Variants in ACCSL observed in about 807,000 individuals in gnomAD.
ACCSL encodes the protein 1-aminocyclopropane-1-carboxylate synthase homolog (inactive) like.
In ACCSL, 55 loss-of-function variants were observed where a neutral mutation model predicts 61.7. The observed-to-expected ratio is 0.89, with a 90% CI of 0.72 to 1.12. The LOEUF (loss-of-function observed/expected upper bound fraction) is 1.12. Among genes scored for constraint, ACCSL ranks in the 50% most tolerant of loss-of-function variants. The probability of loss-of-function intolerance (pLI) is 0.00; values close to 1 mark genes in which losing one functional copy is unlikely to be tolerated. For synonymous variants in ACCSL, 258 were observed against 264.3 expected (o/e 0.98, Z 0.23); for missense variants, 632 against 698.0 (o/e 0.91, Z 1.07).
chr11:44,048,143 T>C lies in ACCSL; in HGVS notation c.107T>C (p.Leu36Ser). 2 of 1,614,156 alleles carry C rather than the reference T, an allele frequency of 1.2e-6. No individual in the cohort carries two copies. Among genetic ancestry groups the C allele is most frequent in the Non-Finnish European group, 1.7e-6 (2 of 1,180,022 alleles). ...YTQLLEITLH[L>S]QQAMTEHFVQ... ...CAGCTGTTGGAGATAACGCTGCACT[T>C]GCAGCAGGCCATGACGGAGCACTTC... The change falls in exon 1 of 14, where the codon TTG becomes TCG. Residue 36 changes from leucine to serine, a missense_variant. Leu to Ser is a moderately radical substitution (Grantham distance 145). Transcript: ENST00000378832.
At chr11:43,982,938 G>C in the ACCSL span, among the ~76,000 whole-genome samples, 1 of 152,210 alleles carries the variant, frequency 6.6e-6, no homozygotes, top group Non-Finnish European at 1.5e-5. Flanking sequence ...CTGAGGCTGG[G>C]GTGGCCTCGA....
At chr11:43,958,516 T>G in the ACCSL span, among the ~76,000 whole-genome samples, 1 of 152,208 alleles carries the variant, frequency 6.6e-6, no homozygotes, top group South Asian at 2.1e-4. Context: ...AAAACTCTGG[T>G]CTCCTGCACA....
the ACCSL span, among the ~76,000 whole-genome samples, chr11:44,034,230 T>C: frequency 7.2e-5 from 11 of 152,318 alleles, no homozygotes; most frequent in East Asian, 2.1e-3. Flanking sequence ...TCATGAGCAG[T>C]GTGTAGCCCA....
the ACCSL span, among the ~76,000 whole-genome samples, chr11:44,006,919 C>A: frequency 2.9e-4 from 44 of 152,264 alleles, no homozygotes; most frequent in Admixed American, 3.3e-4. Flanking sequence ...TTCTCCTCCC[C>A]GCGGTTGGAC....
the ACCSL span, among the ~76,000 whole-genome samples, chr11:44,032,635 G>A: frequency 1.3e-5 from 2 of 152,210 alleles, no homozygotes; most frequent in African/African-American, 4.8e-5. Flanking sequence ...ACATAGCAGA[G>A]TGGACTGGAG....
At chr11:44,026,789 G>T in the ACCSL span, among the ~76,000 whole-genome samples, 12 of 152,154 alleles carry the variant, frequency 7.9e-5, no homozygotes, top group Admixed American at 7.9e-4. Flanking sequence ...GAGTGCAATG[G>T]TATGATCTCA....
chr11:43,952,022 CATTGTAGATTGTACATATTTATCTTAT>C, the ACCSL span, among the ~76,000 whole-genome samples: 1 of 151,748 alleles, frequency 6.6e-6, no homozygotes, highest in African/African-American at 2.4e-5. Flanking sequence ...AAAAAAAGTA[CATTGTAGATTGTACATATTTATCTTAT>C]ATAGGTATCT....
chr11:44,057,832 G>A (rs1338915913), intron 11 of ACCSL, among the ~76,000 whole-genome samples: 4 of 152,230 alleles, frequency 2.6e-5, no homozygotes, highest in Admixed American at 6.5e-5. Context: ...TAAGAGGTGG[G>A]TGTATCAGGT....
chr11:44,035,277 G>A, the ACCSL span, among the ~76,000 whole-genome samples: 3 of 151,672 alleles, frequency 2.0e-5, no homozygotes, highest in Non-Finnish European at 2.9e-5. Context: ...TGTCTGTCTC[G>A]TTGCCGTCTC....
At chr11:44,028,241 C>T in the ACCSL span, among the ~76,000 whole-genome samples, 1 of 151,910 alleles carries the variant, frequency 6.6e-6, no homozygotes, top group East Asian at 1.9e-4. Context: ...GTTGTCAGGG[C>T]AAAAGCTGAG....
chr11:43,946,528 C>G, the ACCSL span, among the ~76,000 whole-genome samples: 8 of 152,110 alleles, frequency 5.3e-5, no homozygotes, highest in South Asian at 1.7e-3. Flanking sequence ...GAGGTGATGC[C>G]TATATATGCA....
the ACCSL span, among the ~76,000 whole-genome samples, chr11:43,934,395 C>T: frequency 6.6e-6 from 1 of 152,162 alleles, no homozygotes; most frequent in Admixed American, 6.5e-5. Context: ...CTCAGTCTCT[C>T]GCCTGCTAGA....
chr11:44,021,885 C>A, the ACCSL span, among the ~76,000 whole-genome samples: 1 of 152,134 alleles, frequency 6.6e-6, no homozygotes, highest in Admixed American at 6.5e-5. Flanking sequence ...GTCCCTTCCT[C>A]ACCTTATGTT....
chr11:43,974,518 T>C, the ACCSL span, among the ~76,000 whole-genome samples: 1 of 152,218 alleles, frequency 6.6e-6, no homozygotes, highest in South Asian at 2.1e-4. Flanking sequence ...TCTAAATAAG[T>C]TCACAGTCAC....
chr11:43,936,771 C>G, the ACCSL span, among the ~76,000 whole-genome samples: 2 of 148,654 alleles, frequency 1.3e-5, no homozygotes, highest in Non-Finnish European at 3.0e-5. Context: ...GGTCCTGGCC[C>G]TAGGGACATC....
the ACCSL span, among the ~76,000 whole-genome samples, chr11:43,924,327 C>T: frequency 2.6e-5 from 4 of 152,240 alleles, no homozygotes; most frequent in African/African-American, 9.6e-5. Flanking sequence ...GACCTCCCGT[C>T]CCCCAGCCCT....
chr11:43,960,811 GTGTT>G, the ACCSL span, among the ~76,000 whole-genome samples: 10 of 151,694 alleles, frequency 6.6e-5, no homozygotes, highest in Non-Finnish European at 1.2e-4. Flanking sequence ...GTTTTTTTGT[GTGTT>G]TGTTTTTTGT....
chr11:43,959,653 A>G, the ACCSL span, among the ~76,000 whole-genome samples: 13,895 of 152,176 alleles, frequency 0.091, 707 homozygotes, highest in African/African-American at 0.12. Context: ...GCTTTCAACA[A>G]ACAATTTCCC....
At chr11:43,934,597 CT>C in the ACCSL span, among the ~76,000 whole-genome samples, 2 of 152,218 alleles carry the variant, frequency 1.3e-5, no homozygotes, top group Admixed American at 1.3e-4. Flanking sequence ...GCTTGGAACT[CT>C]GAGACCCACT....
Sources: allele counts gnomAD v4.1 joint callset (sites outside exome capture counted in the v4.1 genomes callset), GRCh38; gene constraint gnomAD v4.1.1; transcripts MANE v1.5; gene names NCBI Gene and HGNC (gene_info 2026-07-23, HGNC 2026-07-21).